Variants in DLGAP2 observed in about 807,000 individuals in gnomAD.
DLGAP2 encodes DLG associated protein 2.
A neutral mutation model predicts 100.3 loss-of-function variants in DLGAP2; 26 were observed. The observed-to-expected ratio is 0.26, with a 90% CI of 0.19 to 0.36. The LOEUF (loss-of-function observed/expected upper bound fraction) is 0.36, where lower values mean the gene tolerates loss of function less well. Among genes scored for constraint, DLGAP2 ranks in the 10% least tolerant of loss-of-function variants. The pLI, the probability that DLGAP2 is intolerant of heterozygous loss-of-function variation, is 1.00. For missense variants in DLGAP2, 1,858 were observed against 1,453.2 expected (o/e 1.28, Z -4.53); for synonymous variants, 886 against 630.1 (o/e 1.41, Z -6.08).
At chr8:1,607,783 G>A (rs1441079819) in intron 6 of DLGAP2, among the ~76,000 whole-genome samples, 3 of 152,066 alleles carry the variant, frequency 2.0e-5, no homozygotes, top group Non-Finnish European at 2.9e-5. Flanking sequence ...GGTGACGGAC[G>A]CACCTGGAAA....
intron 2 of DLGAP2, among the ~76,000 whole-genome samples, chr8:1,074,410 A>C (rs1803538128): frequency 6.6e-6 from 1 of 152,228 alleles, no homozygotes; most frequent in African/African-American, 2.4e-5. Context: ...TCAGCCTTTC[A>C]GTTCACATCA....
At chr8:1,254,001 C>T (rs1006134602) in intron 2 of DLGAP2, among the ~76,000 whole-genome samples, 1 of 152,184 alleles carries the variant, frequency 6.6e-6, no homozygotes, top group African/African-American at 2.4e-5. Flanking sequence ...TCGCGTTGGA[C>T]GAGAGGTGCG....
chr8:1,669,793 C>G lies in DLGAP2; in HGVS notation c.2202+9C>G. 1.3e-6 allele frequency: 1 copy of G among 780,896 alleles called. No homozygotes were observed. The highest frequency in any genetic ancestry group is 2.4e-6 in the Non-Finnish European group (1 of 417,974). The allele number at this position is 780,896 out of a possible 1,614,324, so 48.4% of individuals were successfully genotyped here. Reference sequence around the variant, plus strand: ...CATACCCAAGGTCAGATGTAAGTACCGAAATGTGCTCCAAAGCCGCGTCCG... The same window carrying G: ...CATACCCAAGGTCAGATGTAAGTACGGAAATGTGCTCCAAAGCCGCGTCCG... On this transcript the variant is annotated intron_variant, in intron 10 of 14. Transcript: ENST00000637795.
intron 2 of DLGAP2, among the ~76,000 whole-genome samples, chr8:1,096,621 G>A (rs1371338638): frequency 2.0e-5 from 3 of 151,884 alleles, no homozygotes; most frequent in African/African-American, 7.3e-5. Flanking sequence ...GACCCCTCCA[G>A]CGTGAGACCC....
At chr8:1,501,610 C>T (rs1450993505) in intron 4 of DLGAP2, among the ~76,000 whole-genome samples, 179 bp downstream of exon 4, 1 of 152,168 alleles carries the variant, frequency 6.6e-6, no homozygotes, top group Non-Finnish European at 1.5e-5. Context: ...TTAAGCATTA[C>T]GGAAGTGCTA....
intron 2 of DLGAP2, among the ~76,000 whole-genome samples, chr8:1,121,140 G>A (rs1796035507): frequency 6.6e-6 from 1 of 150,632 alleles, no homozygotes; most frequent in Non-Finnish European, 1.5e-5. Context: ...CGTCCAGTTA[G>A]AAGCCATGAC....
chr8:1,476,996 C>T (rs1469738855), intron 3 of DLGAP2, among the ~76,000 whole-genome samples: 1 of 151,996 alleles, frequency 6.6e-6, no homozygotes, highest in African/African-American at 2.4e-5. Flanking sequence ...TGTGACCCTC[C>T]AGGAACCTAA....
chr8:1,067,760 C>G (rs1045292008), intron 2 of DLGAP2, among the ~76,000 whole-genome samples: 6 of 151,948 alleles, frequency 3.9e-5, no homozygotes, highest in African/African-American at 1.5e-4. Flanking sequence ...CCAGTCCCCT[C>G]CAGAGCTGTG....
intron 4 of DLGAP2, among the ~76,000 whole-genome samples, chr8:1,524,221 T>C (rs575502204): frequency 3.6e-4 from 55 of 152,256 alleles, no homozygotes; most frequent in African/African-American, 1.3e-3. Context: ...AGAGCCCATC[T>C]GAGAGGCCGG....
chr8:811,291 A>G (rs1183697177), intron 1 of DLGAP2, among the ~76,000 whole-genome samples: 4 of 152,260 alleles, frequency 2.6e-5, no homozygotes, highest in Non-Finnish European at 4.4e-5. Flanking sequence ...ATGAGCAGGA[A>G]CTATCTGGGG....
At chr8:1,520,467 G>T (rs1357880041) in intron 4 of DLGAP2, among the ~76,000 whole-genome samples, 3 of 152,298 alleles carry the variant, frequency 2.0e-5, no homozygotes, top group South Asian at 2.1e-4. Flanking sequence ...CACGTCAGGG[G>T]TCACGCTTGG....
At chr8:1,223,160 C>A (rs1345494808) in intron 2 of DLGAP2, among the ~76,000 whole-genome samples, 5 of 152,186 alleles carry the variant, frequency 3.3e-5, no homozygotes, top group African/African-American at 7.2e-5. Context: ...CTTAGTCCTC[C>A]CCTAGGAGTC....
intron 3 of DLGAP2, among the ~76,000 whole-genome samples, chr8:1,436,374 G>C (rs1320792098): frequency 6.6e-6 from 1 of 152,190 alleles, no homozygotes; most frequent in Non-Finnish European, 1.5e-5. Flanking sequence ...GGAAGACTCA[G>C]CCAGTCCAGT....
intron 3 of DLGAP2, among the ~76,000 whole-genome samples, chr8:1,324,056 A>G (rs1800966878): frequency 6.6e-6 from 1 of 152,148 alleles, no homozygotes. Context: ...GTGATATCCA[A>G]CCGGAAAGGC....
chr8:1,152,942 C>G (rs998911986), intron 2 of DLGAP2, among the ~76,000 whole-genome samples: 4 of 152,212 alleles, frequency 2.6e-5, no homozygotes, highest in African/African-American at 9.6e-5. Context: ...AGCACGCCCA[C>G]TCAAACATTT....
intron 3 of DLGAP2, among the ~76,000 whole-genome samples, chr8:1,360,265 G>A (rs146692894): frequency 0.042 from 5,317 of 125,712 alleles, 178 homozygotes; most frequent in Middle Eastern, 0.076. Flanking sequence ...GGCTTCTCCG[G>A]GGCGGGGCTT....
At chr8:1,636,611 T>C (rs4384004) in intron 8 of DLGAP2, among the ~76,000 whole-genome samples, 35,029 of 152,198 alleles carry the variant, frequency 0.23, 4,762 homozygotes, top group East Asian at 0.47. Context: ...TTTTAGTCTT[T>C]TACAATAAAA....
At chr8:1,592,449 C>T (rs555404191) in intron 6 of DLGAP2, among the ~76,000 whole-genome samples, 34 of 152,006 alleles carry the variant, frequency 2.2e-4, no homozygotes, top group African/African-American at 7.7e-4. Flanking sequence ...AAAGGGCTCC[C>T]TGAAGTGCAA....
intron 3 of DLGAP2, among the ~76,000 whole-genome samples, chr8:1,310,246 G>T (rs1287752558): frequency 6.6e-6 from 1 of 151,922 alleles, no homozygotes; most frequent in Non-Finnish European, 1.5e-5. Flanking sequence ...CCACAAAAAA[G>T]ACAATAATTA....
Sources: gnomAD v4.1 joint callset for allele counts (sites outside exome capture counted in the v4.1 genomes callset) on GRCh38, gnomAD v4.1.1 for gene constraint, MANE v1.5 for transcripts, NCBI Gene and HGNC (gene_info 2026-07-23, HGNC 2026-07-21) for gene names.